Variants in PCDHA8 observed in about 807,000 individuals in gnomAD.
PCDHA8 encodes the protein protocadherin alpha-8.
In PCDHA8, 53 loss-of-function variants were observed where a neutral mutation model predicts 61.8. The ratio of observed to expected loss-of-function variants is 0.86; its 90% CI spans 0.69 to 1.08. The LOEUF is 1.08. Ranked by LOEUF, PCDHA8 falls within the 50% of genes least tolerant of loss-of-function variation. The probability of loss-of-function intolerance (pLI) is 0.00; values close to 1 mark genes in which losing one functional copy is unlikely to be tolerated. For synonymous variants in PCDHA8, 618 were observed against 556.6 expected, an observed-to-expected ratio of 1.11 and a Z score of -1.55; for missense variants, 1,293 against 1,245.0, an observed-to-expected ratio of 1.04 and a Z score of -0.58.
intron 2 of PCDHA8, among the ~76,000 whole-genome samples, chr5:140,981,439 T>C (rs1468864699): frequency 6.6e-6 from 1 of 152,128 alleles, no homozygotes; most frequent in Non-Finnish European, 1.5e-5. Flanking sequence ...CCAGGCATGG[T>C]GGCGGGTGCC....
chr5:140,927,078 C>T, intron 1 of PCDHA8: 1 of 1,611,014 alleles, frequency 6.2e-7, no homozygotes, highest in Non-Finnish European at 8.5e-7. Context: ...CCAGCCACCG[C>T]GAGCTCTACT....
Position 140,849,905 on chromosome 5 carries a change from G to A in PCDHA8, c.2394+6190G>A, listed in dbSNP as rs2150456926. On this transcript the variant is annotated intron_variant, in intron 1 of 3. Coordinates refer to ENST00000531613, the MANE Select transcript of PCDHA8 (RefSeq NM_018911.3). The stretch of plus-strand genomic sequence containing the variant: ...TGTTCGTGAAGGAGAACAACCCGCC[G>A]GGCTGCCACATCTTCACGGTGTCTG... The A allele has an allele frequency of 3.4e-5, 55 of 1,598,312 alleles. 1 individual carries two copies. The highest frequency in any genetic ancestry group is 3.5e-4 in the Middle Eastern group (2 of 5,794).
intron 1 of PCDHA8, among the ~76,000 whole-genome samples, chr5:140,878,794 T>G (rs2057730678): frequency 6.6e-6 from 1 of 152,218 alleles, no homozygotes; most frequent in African/African-American, 2.4e-5. Flanking sequence ...CAATCACTTT[T>G]TAAAAACATA....
intron 1 of PCDHA8, chr5:140,849,973 C>A: frequency 6.3e-7 from 1 of 1,597,728 alleles, no homozygotes; most frequent in Non-Finnish European, 8.6e-7. Flanking sequence ...GTGTCCTACT[C>A]GCTGGTGGAG....
Position 140,843,497 on chromosome 5 carries a change from C to A in PCDHA8, c.2176C>A (p.Leu726Met). 1 of 1,596,022 alleles carries A rather than the reference C, an allele frequency of 6.3e-7. No individual in the cohort carries two copies. The highest frequency in any genetic ancestry group is 8.6e-7 in the Non-Finnish European group (1 of 1,165,588). ...GTACACTGCGCTGCGGTGCTCAGCA[C>A]TGCCCACTGAGGGCGGGTGCCGGGC... is the stretch of plus-strand genomic sequence containing the variant. ...LLYTALRCSA[L>M]PTEGGCRAGK... The change falls in exon 1 of 4, where the codon CTG becomes ATG. Residue 726 changes from leucine (L) to methionine (M), a missense_variant. By Grantham distance (15) the Leu-to-Met change is conservative. Transcript: ENST00000531613.
At chr5:140,928,032 TAGTGC>T (rs782031018) in intron 1 of PCDHA8, 7 of 1,614,216 alleles carry the variant, frequency 4.3e-6, no homozygotes, top group Non-Finnish European at 5.9e-6. Context: ...GTGGCATGTC[TAGTGC>T]AGGCCCTTTT....
chr5:140,918,585 T>A (rs147777186), intron 1 of PCDHA8, among the ~76,000 whole-genome samples: 51 of 152,368 alleles, frequency 3.3e-4, no homozygotes, highest in African/African-American at 9.9e-4. Context: ...ATTGGCTATA[T>A]GTTCTATAGA....
intron 1 of PCDHA8, among the ~76,000 whole-genome samples, chr5:140,914,110 A>G (rs889499995): frequency 6.6e-6 from 1 of 152,168 alleles, no homozygotes; most frequent in Non-Finnish European, 1.5e-5. Flanking sequence ...GTGCAGATTA[A>G]GTCTGATGTT....
chr5:140,941,175 C>T (rs1344326389), intron 1 of PCDHA8, among the ~76,000 whole-genome samples: 1 of 145,416 alleles, frequency 6.9e-6, no homozygotes, highest in Admixed American at 6.8e-5. Context: ...CCATCTTGAA[C>T]ATCCTGCTTC....
chr5:140,928,973 T>G (rs782178426), intron 1 of PCDHA8: 3 of 1,613,958 alleles, frequency 1.9e-6, no homozygotes, highest in Non-Finnish European at 2.5e-6. Flanking sequence ...ATTTCCTTTT[T>G]ATTTCTGGGG....
At chr5:140,867,267 A>G (rs2049851956) in intron 1 of PCDHA8, 1 of 152,078 alleles carries the variant, frequency 6.6e-6, no homozygotes, top group African/African-American at 2.4e-5. Flanking sequence ...TTTTGTTCAA[A>G]ATAAACCTGA....
In PCDHA8 at chr5:140,982,530, C is replaced by G; in HGVS notation, c.2509C>G (p.Gln837Glu). The G allele has an allele frequency of 1.2e-6, 2 of 1,614,200 alleles. No homozygotes were observed. The highest frequency in any genetic ancestry group is 3.3e-5 in the Admixed American group (2 of 60,020). ...ILRAGPGGPDQQWPTVSSATP... is the reference protein window; with the variant it reads ...ILRAGPGGPDEQWPTVSSATP... ...ACGGGCTGGTCCAGGAGGGCCTGATCAGCAGTGGCCAACAGTATCCAGTGC... is the reference window on the plus strand; with the variant it reads ...ACGGGCTGGTCCAGGAGGGCCTGATGAGCAGTGGCCAACAGTATCCAGTGC... The change falls in exon 3 of 4, where the codon CAG (glutamine) becomes GAG (glutamate). Residue 837 changes from glutamine to glutamate, a missense_variant. By Grantham distance (29) the Gln-to-Glu change is conservative. Transcript: ENST00000531613.
At chr5:140,870,702 G>A in intron 1 of PCDHA8, 2 of 1,613,072 alleles carry the variant, frequency 1.2e-6, no homozygotes, top group African/African-American at 1.3e-5. Context: ...TACAGTTCCA[G>A]GTGAGCGCGC....
rs530482397 is a variant in PCDHA8, at chr5:140,923,460, T to C, written c.2395-55489T>C. ...GGAGGATCACCTGAGCCCAGAGAGG[T>C]AGGGGCTGCAGTGAGCCATCTTCAC... On this transcript the variant is annotated intron_variant, in intron 1 of 3. Coordinates refer to ENST00000531613, the MANE Select transcript of PCDHA8 (RefSeq NM_018911.3). Among the ~76,000 whole-genome samples, 704 of 151,994 alleles carry C rather than the reference T, an allele frequency of 4.6e-3. 3 individuals carry two copies. Among genetic ancestry groups the C allele is most frequent in the African/African-American group, 0.016 (681 of 41,446 alleles).
chr5:140,977,032 A>G (rs1488885995), intron 1 of PCDHA8, among the ~76,000 whole-genome samples: 3 of 152,212 alleles, frequency 2.0e-5, no homozygotes, highest in African/African-American at 7.2e-5. Flanking sequence ...TGAATCTAAG[A>G]AGGATGTTGT....
chr5:140,850,095 C>T lies in PCDHA8; in HGVS notation c.2394+6380C>T, dbSNP rs139719626. 631 of 1,596,304 alleles carry T rather than the reference C, an allele frequency of 4.0e-4. 37 individuals are homozygous for T. In the African/African-American group the frequency reaches 7.2e-3, roughly 18 times the overall value. On this transcript the variant is annotated intron_variant, in intron 1 of 3. Transcript: ENST00000531613. ...CGAGGAGCTGGAGCTGCTACAGTTC[C>T]AGGTGAGCGCGCGCGACGCGGGCGT...
chr5:140,952,496 G>A (rs2094755026), intron 1 of PCDHA8, among the ~76,000 whole-genome samples: 1 of 152,112 alleles, frequency 6.6e-6, no homozygotes, highest in Non-Finnish European at 1.5e-5. Flanking sequence ...CCAGTCCTCA[G>A]TAAGTTCCTC....
At chr5:140,883,630 G>T (rs1424400219) in intron 1 of PCDHA8, 8 of 1,613,966 alleles carry the variant, frequency 5.0e-6, no homozygotes, top group Non-Finnish European at 6.8e-6. Context: ...ACGCGCCGGC[G>T]TTCGCGCAGC....
intron 1 of PCDHA8, among the ~76,000 whole-genome samples, chr5:140,976,433 C>T (rs2096716122): frequency 6.6e-6 from 1 of 152,036 alleles, no homozygotes; most frequent in South Asian, 2.1e-4. Context: ...TGCCTGTAAT[C>T]CCAGCTACTA....
Sources: gnomAD v4.1 joint callset for allele counts (sites outside exome capture counted in the v4.1 genomes callset) on GRCh38, gnomAD v4.1.1 for gene constraint, MANE v1.5 for transcripts, NCBI Gene and HGNC (gene_info 2026-07-23, HGNC 2026-07-21) for gene names.